The following DOCK3 variants were observed in gnomAD, a reference collection of about 807,000 sequenced individuals.
DOCK3 encodes dedicator of cytokinesis protein 3.
In DOCK3, 60 loss-of-function variants were observed where a neutral mutation model predicts 265.6. That is an observed-to-expected ratio of 0.23 (90% CI 0.18 to 0.28). The LOEUF is 0.28. Among genes scored for constraint, DOCK3 ranks in the 10% least tolerant of loss-of-function variants. The pLI, the probability that DOCK3 is intolerant of heterozygous loss-of-function variation, is 1.00. For missense variants in DOCK3, 1,981 were observed against 2,594.3 expected (o/e 0.76, Z 5.14); for synonymous variants, 881 against 938.0 (o/e 0.94, Z 1.11).
intron 1 of DOCK3, among the ~76,000 whole-genome samples, chr3:50,746,430 G>T (rs1405243240): frequency 6.6e-6 from 1 of 152,014 alleles, no homozygotes; most frequent in Non-Finnish European, 1.5e-5. Flanking sequence ...TTATCAGTTG[G>T]TTCTTTTGTG....
At chr3:50,817,519 A>C (rs1266262642) in intron 2 of DOCK3, among the ~76,000 whole-genome samples, 1 of 150,434 alleles carries the variant, frequency 6.6e-6, no homozygotes, top group African/African-American at 2.4e-5. Context: ...CTAGTCTTGA[A>C]CTCCTGGGGT....
chr3:50,827,090 T>G (rs890048844), intron 2 of DOCK3, among the ~76,000 whole-genome samples: 15 of 152,050 alleles, frequency 9.9e-5, no homozygotes, highest in African/African-American at 3.6e-4. Flanking sequence ...CCAAGAAGAT[T>G]TAACAAGCAT....
chr3:51,103,938 A>T (rs2109758120), intron 9 of DOCK3, among the ~76,000 whole-genome samples: 1 of 152,344 alleles, frequency 6.6e-6, no homozygotes, highest in East Asian at 1.9e-4. Flanking sequence ...GAAGCAGACA[A>T]AAAACAGGAT....
intron 1 of DOCK3, among the ~76,000 whole-genome samples, chr3:50,775,515 G>C (rs2041535154): frequency 6.6e-6 from 1 of 151,898 alleles, no homozygotes; most frequent in Non-Finnish European, 1.5e-5. Context: ...GTCAATGTTA[G>C]TGTTTTCAAA....
intron 49 of DOCK3, among the ~76,000 whole-genome samples, chr3:51,371,557 G>T (rs2087679385): frequency 6.6e-6 from 1 of 152,218 alleles, no homozygotes; most frequent in African/African-American, 2.4e-5. Context: ...AATAGATGTT[G>T]TAGTAGATAC....
intron 3 of DOCK3, among the ~76,000 whole-genome samples, chr3:50,872,090 A>G (rs2047458810): frequency 6.6e-6 from 1 of 152,204 alleles, no homozygotes; most frequent in Non-Finnish European, 1.5e-5. Context: ...TATGGTCTTG[A>G]TACTTGTAGA....
At chr3:51,212,437 T>G (rs2089564500) in intron 13 of DOCK3, among the ~76,000 whole-genome samples, 1 of 151,950 alleles carries the variant, frequency 6.6e-6, no homozygotes, top group Non-Finnish European at 1.5e-5. Flanking sequence ...CACTGTTTTT[T>G]TTTTTTTTTT....
chr3:50,915,816 C>T (rs1357094391), intron 4 of DOCK3, among the ~76,000 whole-genome samples: 2 of 151,914 alleles, frequency 1.3e-5, no homozygotes, highest in African/African-American at 2.4e-5. Flanking sequence ...ACCAAGGTAC[C>T]GTGTTTTCAA....
intron 3 of DOCK3, among the ~76,000 whole-genome samples, chr3:50,877,945 G>A (rs2047797553): frequency 6.6e-6 from 1 of 152,206 alleles, no homozygotes; most frequent in Admixed American, 6.5e-5. Flanking sequence ...GGATCAGGCA[G>A]CAACATTTGC....
intron 12 of DOCK3, among the ~76,000 whole-genome samples, chr3:51,199,600 T>G (rs2088572454): frequency 6.6e-6 from 1 of 152,218 alleles, no homozygotes. Flanking sequence ...AGGCTCCACC[T>G]CTGGGGGCAG....
chr3:50,888,365 A>G (rs868784173), intron 3 of DOCK3, among the ~76,000 whole-genome samples: 24 of 152,222 alleles, frequency 1.6e-4, no homozygotes, highest in Admixed American at 5.2e-4. Flanking sequence ...AAGAGAGGAT[A>G]CAAATAAATG....
At chr3:50,803,659 G>T (rs968142665) in intron 2 of DOCK3, among the ~76,000 whole-genome samples, 3 of 151,470 alleles carry the variant, frequency 2.0e-5, no homozygotes, top group Non-Finnish European at 4.4e-5. Context: ...CTGGGCAGAG[G>T]TGCCCCCCAC....
At chr3:51,208,892 G>A in intron 13 of DOCK3, 30 bp downstream of exon 13, 1 of 1,584,958 alleles carries the variant, frequency 6.3e-7, no homozygotes, top group South Asian at 1.2e-5. Context: ...AGAACATTTT[G>A]TGTTACATTT....
chr3:50,689,722 G>T (rs1297145786), intron 1 of DOCK3, among the ~76,000 whole-genome samples: 4 of 152,234 alleles, frequency 2.6e-5, no homozygotes. Flanking sequence ...TGCTGCTGCT[G>T]ATCTGACAGG....
At chr3:50,932,127 T>C (rs2051101458) in intron 4 of DOCK3, among the ~76,000 whole-genome samples, 1 of 152,218 alleles carries the variant, frequency 6.6e-6, no homozygotes, top group African/African-American at 2.4e-5. Context: ...GATGAAAGCT[T>C]TTATATTAAT....
chr3:51,328,791 A>T (rs1475972654), intron 32 of DOCK3, among the ~76,000 whole-genome samples: 1 of 152,126 alleles, frequency 6.6e-6, no homozygotes, highest in East Asian at 1.9e-4. Flanking sequence ...ACATTATTTC[A>T]TGCAGCCATA....
intron 13 of DOCK3, 93 bp downstream of exon 13, chr3:51,208,955 A>T: frequency 9.4e-7 from 1 of 1,068,678 alleles, no homozygotes; most frequent in South Asian, 1.5e-5. Context: ...TGGCTGCTGT[A>T]TTCCCTACAG....
chr3:51,362,013 C>A lies in DOCK3; in HGVS notation c.5145+16C>A. On this transcript the variant is annotated intron_variant, in intron 48 of 52. Transcript: ENST00000266037. ...CCACATGCAGGTACAGAGCTGTCCA[C>A]GGAGAGTGGGCCAGGGCACCATGCC... The A allele has an allele frequency of 3.1e-6, 5 of 1,596,648 alleles. No individual in the cohort carries two copies. The highest frequency in any genetic ancestry group is 3.4e-6 in the Non-Finnish European group (4 of 1,171,328).
intron 9 of DOCK3, among the ~76,000 whole-genome samples, chr3:51,111,696 A>T (rs2083526084): frequency 6.6e-6 from 1 of 152,228 alleles, no homozygotes. Context: ...CAATTGCAAC[A>T]AAAGCAAAAA....
Sources: gnomAD v4.1 joint callset for allele counts (sites outside exome capture counted in the v4.1 genomes callset) on GRCh38, gnomAD v4.1.1 for gene constraint, MANE v1.5 for transcripts, NCBI Gene and HGNC (gene_info 2026-07-23, HGNC 2026-07-21) for gene names.